Variants in PLB1 observed in about 807,000 individuals in gnomAD.
PLB1 encodes phospholipase B1, membrane-associated.
In PLB1, 242 loss-of-function variants were observed where a neutral mutation model predicts 227.4. The ratio of observed to expected loss-of-function variants is 1.06; its 90% CI spans 0.96 to 1.18. PLB1 has a LOEUF of 1.18. Among genes scored for constraint, PLB1 ranks in the 50% most tolerant of loss-of-function variants. PLB1 has a pLI of 0.00. For missense variants in PLB1, 1,858 were observed against 1,816.3 expected, an observed-to-expected ratio of 1.02 and a Z score of -0.42; for synonymous variants, 757 against 682.2, an observed-to-expected ratio of 1.11 and a Z score of -1.71.
At chr2:28,513,551 A>G (rs1212216860) in intron 1 of PLB1, among the ~76,000 whole-genome samples, 1 of 152,212 alleles carries the variant, frequency 6.6e-6, no homozygotes, top group Non-Finnish European at 1.5e-5. Context: ...TGCTTCAAGG[A>G]TAAAACTGGT....
chr2:28,496,260 G>A (rs1244943617), intron 1 of PLB1, 91 bp downstream of exon 1: 9 of 1,309,570 alleles, frequency 6.9e-6, no homozygotes, highest in Middle Eastern at 2.0e-4. Flanking sequence ...AGAGGAGTGT[G>A]TGCTTTTGAA....
At chr2:28,549,965 C>T in intron 15 of PLB1, 45 bp from the exon 16 acceptor site, 1 of 1,527,702 alleles carries the variant, frequency 6.5e-7, no homozygotes, top group Non-Finnish European at 9.0e-7. Context: ...TTAAGGGATA[C>T]AGACTTCTAG....
chr2:28,624,378 T>C (rs1283662155), intron 49 of PLB1, among the ~76,000 whole-genome samples: 2 of 150,216 alleles, frequency 1.3e-5, no homozygotes, highest in Non-Finnish European at 3.0e-5. Flanking sequence ...TGTTATTCGG[T>C]ATACCAATAG....
intron 23 of PLB1, among the ~76,000 whole-genome samples, chr2:28,581,706 A>T (rs1000648746): frequency 2.0e-5 from 3 of 151,856 alleles, no homozygotes; most frequent in Non-Finnish European, 4.4e-5. Context: ...GGTGGCTCAT[A>T]CCTGTAATCC....
chr2:28,533,181 A>G (rs1391460188), intron 9 of PLB1, among the ~76,000 whole-genome samples: 1 of 152,066 alleles, frequency 6.6e-6, no homozygotes, highest in Non-Finnish European at 1.5e-5. Flanking sequence ...CCACACTCCC[A>G]CTGACTCCAG....
chr2:28,597,592 C>T (rs2148293916), intron 33 of PLB1, among the ~76,000 whole-genome samples: 1 of 152,284 alleles, frequency 6.6e-6, no homozygotes, highest in African/African-American at 2.4e-5. Context: ...AGGCTTCCAG[C>T]TCAAATTGGG....
rs115320759 is a variant in PLB1 at position 28,516,136 on chromosome 2, G to A, written c.56-672G>A. Among the ~76,000 whole-genome samples the A allele has an allele frequency of 1.4e-3, 210 of 151,982 alleles. 1 individual carries two copies. The highest frequency in any genetic ancestry group is 4.6e-3 in the African/African-American group (189 of 41,448). On this transcript the variant is annotated intron_variant, in intron 1 of 57. Coordinates refer to ENST00000327757, the MANE Select transcript of PLB1 (RefSeq NM_153021.5). Reference sequence around the variant, plus strand: ...AAAAAACATGGGAAAACTTATCTACGTGTACACTTAAAATGAATTTAATTT... The same window carrying A: ...AAAAAACATGGGAAAACTTATCTACATGTACACTTAAAATGAATTTAATTT...
At chr2:28,548,020 A>G (rs1405327761) in intron 14 of PLB1, among the ~76,000 whole-genome samples, 1 of 152,100 alleles carries the variant, frequency 6.6e-6, no homozygotes, top group African/African-American at 2.4e-5. Flanking sequence ...TCATTTAAGT[A>G]GCTGCCTATT....
At chr2:28,528,332 ACT>A (rs1670551099) in intron 6 of PLB1, among the ~76,000 whole-genome samples, 1 of 151,826 alleles carries the variant, frequency 6.6e-6, no homozygotes, top group Non-Finnish European at 1.5e-5. Flanking sequence ...CTCCCATGAC[ACT>A]CTCTCCCCGC....
At position 28,600,854 on chromosome 2, in the gene PLB1, T is replaced by C. The variant is rs1007178051; in HGVS notation, c.2520T>C (p.Asp840=). The part of the protein sequence containing the change: ...QVQTLMQKMK[D]DHRVNFHEDW... The stretch of plus-strand genomic sequence containing the variant: ...AAACTCTGATGCAGAAGATGAAAGA[T>C]GATCATGTGAGTCAGATTTACTGTT... The change falls in exon 36 of 58, where the codon GAT becomes GAC. Residue 840 remains aspartate (D), a synonymous_variant. Coordinates refer to ENST00000327757, the MANE Select transcript of PLB1 (RefSeq NM_153021.5). 6.2e-7 allele frequency: 1 copy of C among 1,610,824 alleles called. No individual in the cohort carries two copies. Among genetic ancestry groups the C allele is most frequent in the African/African-American group, 1.3e-5 (1 of 74,858 alleles).
At chr2:28,561,120 A>C (rs1445369897) in intron 17 of PLB1, among the ~76,000 whole-genome samples, 1 of 152,046 alleles carries the variant, frequency 6.6e-6, no homozygotes, top group Non-Finnish European at 1.5e-5. Context: ...ACATCACTTC[A>C]CACCTCTTTT....
Position 28,540,406 on chromosome 2 carries a change from C to A in PLB1, c.739C>A (p.Arg247=), listed in dbSNP as rs148963569. The A allele has an allele frequency of 6.2e-7, 1 of 1,613,924 alleles. No homozygotes were observed. The highest frequency in any genetic ancestry group is 8.5e-7 in the Non-Finnish European group (1 of 1,180,008). The change falls in exon 12 of 58, where the codon CGG becomes AGG. Residue 247 remains arginine, a synonymous_variant. Coordinates refer to ENST00000327757, the MANE Select transcript of PLB1 (RefSeq NM_153021.5). The part of the protein sequence containing the change: ...EPCNCSEETT[R]LAKVVMQWSY... ...CTGTAATTGCTCAGAGGAGACCACC[C>A]GGCTGGCCAAGGTGGTGATGCAGTG...
chr2:28,604,171 G>A (rs1009314250), intron 40 of PLB1, 124 bp downstream of exon 40: 15 of 896,238 alleles, frequency 1.7e-5, no homozygotes, highest in Middle Eastern at 4.3e-4. Context: ...GGGAGACGGG[G>A]AGCAGCCTGG....
intron 20 of PLB1, among the ~76,000 whole-genome samples, chr2:28,568,945 G>A (rs1004852852): frequency 6.6e-6 from 1 of 152,166 alleles, no homozygotes; most frequent in Non-Finnish European, 1.5e-5. Flanking sequence ...TAGGGAAGCT[G>A]CCACCTCCTA....
At chr2:28,636,049 G>GTGTGTATA (rs1553467847) in intron 56 of PLB1, among the ~76,000 whole-genome samples, 6 of 113,630 alleles carry the variant, frequency 5.3e-5, no homozygotes, top group African/African-American at 1.8e-4. Context: ...GTGTATGTAT[G>GTGTGTATA]TGTATGTGTG....
At chr2:28,573,412 G>A in intron 21 of PLB1, 107 bp downstream of exon 21, 2 of 841,154 alleles carry the variant, frequency 2.4e-6, no homozygotes, top group East Asian at 2.6e-5. Flanking sequence ...CTTTGTCAGA[G>A]GAAAGGGTTT....
At chr2:28,617,033 C>T (rs1029880432) in intron 44 of PLB1, among the ~76,000 whole-genome samples, 1 of 152,166 alleles carries the variant, frequency 6.6e-6, no homozygotes, top group African/African-American at 2.4e-5. Flanking sequence ...CTAATCATTT[C>T]TATGCCCTCT....
chr2:28,610,220 C>T (rs1685248216), intron 43 of PLB1, among the ~76,000 whole-genome samples: 1 of 152,114 alleles, frequency 6.6e-6, no homozygotes. Context: ...AGATTTTAAG[C>T]TGTGCATGCA....
At chr2:28,500,043 T>C (rs1357601444) in intron 1 of PLB1, among the ~76,000 whole-genome samples, 3 of 152,344 alleles carry the variant, frequency 2.0e-5, no homozygotes, top group Admixed American at 6.5e-5. Context: ...TCTAATGCTT[T>C]TTCCGTATTT....
Sources: allele counts gnomAD v4.1 joint callset (sites outside exome capture counted in the v4.1 genomes callset), GRCh38; gene constraint gnomAD v4.1.1; transcripts MANE v1.5; gene names NCBI Gene and HGNC (gene_info 2026-07-23, HGNC 2026-07-21).